Variants in MYO3B observed in about 807,000 individuals in gnomAD.
MYO3B encodes myosin-IIIb.
MYO3B carries 156 observed loss-of-function variants against 174.6 expected under a neutral mutation model. The observed-to-expected ratio is 0.89, with a 90% CI of 0.78 to 1.02. The LOEUF is 1.02. MYO3B is among the 50% of genes least tolerant of loss of function. The pLI is 0.00. For missense variants in MYO3B, 1,632 were observed against 1,639.4 expected (o/e 1.00, Z 0.08); for synonymous variants, 563 against 569.1 (o/e 0.99, Z 0.15).
At chr2:170,358,016 G>A (rs1574844967) in intron 8 of MYO3B, among the ~76,000 whole-genome samples, 1 of 152,074 alleles carries the variant, frequency 6.6e-6, no homozygotes, top group Non-Finnish European at 1.5e-5. Flanking sequence ...GCCAGGTGCG[G>A]TGGGGAGCGC....
At chr2:170,449,058 C>T (rs538946139) in intron 23 of MYO3B, among the ~76,000 whole-genome samples, 1 of 152,282 alleles carries the variant, frequency 6.6e-6, no homozygotes, top group East Asian at 1.9e-4. Flanking sequence ...CTGCAAACAC[C>T]TTTATGAGTT....
intron 7 of MYO3B, among the ~76,000 whole-genome samples, chr2:170,286,456 A>C (rs1343745687): frequency 1.3e-5 from 2 of 152,082 alleles, no homozygotes; most frequent in Non-Finnish European, 2.9e-5. Flanking sequence ...TTTCCCATTT[A>C]TATCTATTTA....
rs1263316604 is a variant in MYO3B at position 170,224,854 on chromosome 2, G to C, written c.603+7459G>C. ...CTGCCTGGCAAAGGGTCGTTGACAA[G>C]GGACGGTTGCCATAACAACTAGCTT... On this transcript the variant is annotated intron_variant, in intron 6 of 34. Coordinates refer to ENST00000408978, the MANE Select transcript of MYO3B (RefSeq NM_138995.5). Among the ~76,000 whole-genome samples the C allele has an allele frequency of 3.3e-5, 5 of 152,170 alleles. No homozygotes were observed. The East Asian group carries it at 9.6e-4, about 29-fold the overall frequency.
chr2:170,604,971 C>A (rs944342655), intron 32 of MYO3B, among the ~76,000 whole-genome samples: 1 of 152,012 alleles, frequency 6.6e-6, no homozygotes, highest in African/African-American at 2.4e-5. Context: ...CCTCCCTCAC[C>A]CTTCTTCTCT....
rs1296827850 is a variant in MYO3B at position 170,415,762 on chromosome 2, A to G, written c.2650+7918A>G. On this transcript the variant is annotated intron_variant, in intron 22 of 34. Transcript: ENST00000408978. ...TCTTCTTACAGGTAAGATGCTCTCT[A>G]CTTGTACGCAGCATCCCTTCCTCTC... Among the ~76,000 whole-genome samples the G allele has an allele frequency of 2.0e-5, 3 of 152,036 alleles. No individual in the cohort carries two copies. In the East Asian group the frequency reaches 5.8e-4, roughly 29 times the overall value.
chr2:170,551,087 A>G (rs1690848343), intron 32 of MYO3B, among the ~76,000 whole-genome samples: 1 of 151,622 alleles, frequency 6.6e-6, no homozygotes, highest in African/African-American at 2.4e-5. Flanking sequence ...TTTTGTAGAG[A>G]CAGGATTTCA....
chr2:170,189,298 T>C (rs1263981487), intron 1 of MYO3B, among the ~76,000 whole-genome samples: 1 of 152,106 alleles, frequency 6.6e-6, no homozygotes, highest in Non-Finnish European at 1.5e-5. Flanking sequence ...TGTCTTAAGG[T>C]GGTTTTCTTT....
rs181014696 is a variant in MYO3B at position 170,420,180 on chromosome 2, C to T, written c.2650+12336C>T. On this transcript the variant is annotated intron_variant, in intron 22 of 34. Coordinates refer to ENST00000408978, the MANE Select transcript of MYO3B (RefSeq NM_138995.5). ...TCCAGCCTGGGCTACAAGAGGGAGA[C>T]AGTCTCAAAAAACAAACAAACAAAC... Among the ~76,000 whole-genome samples, 179 of 152,116 alleles carry T rather than the reference C, an allele frequency of 1.2e-3. 1 individual carries two copies. Among genetic ancestry groups the T allele is most frequent in the African/African-American group, 4.1e-3 (171 of 41,488 alleles).
chr2:170,557,812 G>T (rs554263358), intron 32 of MYO3B, among the ~76,000 whole-genome samples: 1 of 152,264 alleles, frequency 6.6e-6, no homozygotes, highest in African/African-American at 2.4e-5. Flanking sequence ...ACTCAGACCT[G>T]CAGCGAAGAG....
chr2:170,501,349 T>C (rs1399505580), intron 27 of MYO3B, among the ~76,000 whole-genome samples: 1 of 152,160 alleles, frequency 6.6e-6, no homozygotes, highest in African/African-American at 2.4e-5. Context: ...ACTTTCCTGT[T>C]TATATTTTTC....
chr2:170,652,260 T>G, intron 34 of MYO3B, 106 bp downstream of exon 34: 1 of 923,778 alleles, frequency 1.1e-6, no homozygotes, highest in South Asian at 1.5e-5. Flanking sequence ...AAATATGCAA[T>G]CCAGATATTG....
intron 32 of MYO3B, among the ~76,000 whole-genome samples, chr2:170,608,926 G>A (rs1019807351): frequency 4.6e-5 from 7 of 152,276 alleles, no homozygotes; most frequent in South Asian, 4.2e-4. Context: ...ATATATTAGC[G>A]CTTGAGAACC....
chr2:170,325,363 A>G (rs1336237156), intron 7 of MYO3B, among the ~76,000 whole-genome samples: 5 of 151,866 alleles, frequency 3.3e-5, no homozygotes, highest in Non-Finnish European at 5.9e-5. Context: ...ACCCACCACC[A>G]TGTCCGGCTA....
intron 1 of MYO3B, among the ~76,000 whole-genome samples, chr2:170,191,558 C>T (rs577086011): frequency 2.0e-5 from 3 of 152,186 alleles, no homozygotes; most frequent in South Asian, 4.2e-4. Flanking sequence ...ATGCTTCCTC[C>T]GTGGATGCTG....
At chr2:170,419,375 T>G (rs1261360591) in intron 22 of MYO3B, among the ~76,000 whole-genome samples, 2 of 152,208 alleles carry the variant, frequency 1.3e-5, no homozygotes, top group African/African-American at 4.8e-5. Flanking sequence ...GTCAGCAGGT[T>G]TGGTTTCTTG....
intron 24 of MYO3B, 45 bp from the exon 25 acceptor site, chr2:170,466,461 G>A (rs1353695160): frequency 6.3e-7 from 1 of 1,579,760 alleles, no homozygotes; most frequent in South Asian, 1.1e-5. Flanking sequence ...ACTATCCATT[G>A]TGTTGGTGGT....
At position 170,623,672 on chromosome 2, in the gene MYO3B, GCCTAGGTTTTCTT is replaced by G. The variant is rs1696136005; in HGVS notation, c.3734-27954_3734-27942del. ...CCATGCCTCTATCCTGAATGGTATT[GCCTAGGTTTTCTT>G]CTAGAGTTTTTATGGTTTTAGGTCT... On this transcript the variant is annotated intron_variant, in intron 32 of 34. Coordinates refer to ENST00000408978, the MANE Select transcript of MYO3B (RefSeq NM_138995.5). 2.0e-5 allele frequency among the ~76,000 whole-genome samples: 3 copies of G among 152,188 alleles called. No individual in the cohort carries two copies. The South Asian group carries it at 6.2e-4, about 31-fold the overall frequency.
intron 3 of MYO3B, among the ~76,000 whole-genome samples, chr2:170,211,301 C>T (rs982192794): frequency 1.3e-5 from 2 of 152,128 alleles, no homozygotes; most frequent in African/African-American, 4.8e-5. Flanking sequence ...GAGGAAAAAG[C>T]ATAAAGGCCT....
chr2:170,308,900 C>T (rs2093718879), intron 7 of MYO3B, among the ~76,000 whole-genome samples: 2 of 152,030 alleles, frequency 1.3e-5, no homozygotes, highest in South Asian at 4.2e-4. Flanking sequence ...ATGAGGGAAA[C>T]ATGTAGGTGT....
Sources: gnomAD v4.1 joint callset for allele counts (sites outside exome capture counted in the v4.1 genomes callset) on GRCh38, gnomAD v4.1.1 for gene constraint, MANE v1.5 for transcripts, NCBI Gene and HGNC (gene_info 2026-07-23, HGNC 2026-07-21) for gene names.